The following CD226 variants were observed in gnomAD, a reference collection of about 807,000 sequenced individuals.
CD226 encodes CD226 molecule.
In CD226, 24 loss-of-function variants were observed where a neutral mutation model predicts 34.9. The observed-to-expected ratio is 0.69, with a 90% confidence interval of 0.50 to 0.97. CD226 has a LOEUF of 0.97. Among genes scored for constraint, CD226 ranks in the 50% least tolerant of loss-of-function variants. The probability of loss-of-function intolerance (pLI) is 0.00; values close to 1 mark genes in which losing one functional copy is unlikely to be tolerated. For missense variants in CD226, 397 were observed against 412.7 expected (o/e 0.96, Z 0.33); for synonymous variants, 148 against 147.4 (o/e 1.00, Z -0.03).
intron 2 of CD226, among the ~76,000 whole-genome samples, chr18:69,901,051 C>T (rs1232141864): frequency 6.6e-6 from 1 of 152,122 alleles, no homozygotes; most frequent in Non-Finnish European, 1.5e-5. Flanking sequence ...CTAATCAAGC[C>T]TCCAAATCTA....
At chr18:69,923,308 G>C (rs1039773317) in intron 2 of CD226, among the ~76,000 whole-genome samples, 1 of 152,310 alleles carries the variant, frequency 6.6e-6, no homozygotes, top group Admixed American at 6.5e-5. Flanking sequence ...AATGTTGGAA[G>C]GCAAGTGTCG....
intron 3 of CD226, among the ~76,000 whole-genome samples, chr18:69,887,368 C>T (rs1212043810): frequency 6.6e-6 from 1 of 152,092 alleles, no homozygotes; most frequent in Non-Finnish European, 1.5e-5. Flanking sequence ...ATAATCAATC[C>T]TAATGCTCCA....
chr18:69,944,972 C>T (rs1431996180), intron 2 of CD226, among the ~76,000 whole-genome samples: 4 of 152,182 alleles, frequency 2.6e-5, no homozygotes, highest in Admixed American at 6.5e-5. Context: ...TGTTTCTTAT[C>T]TCCTGACCAT....
chr18:69,940,046 G>T (rs1258354074), intron 2 of CD226, among the ~76,000 whole-genome samples: 1 of 152,168 alleles, frequency 6.6e-6, no homozygotes, highest in Non-Finnish European at 1.5e-5. Context: ...CATGGGGGTG[G>T]TTTCCCCCAT....
At position 69,857,717 on chromosome 18, in the gene CD226, T is replaced by C. The variant is rs1982652013; in HGVS notation, c.*6597A>G. The C allele has an allele frequency of 6.6e-6, 1 of 152,214 alleles. No homozygotes were observed. Among genetic ancestry groups the C allele is most frequent in the African/African-American group, 2.4e-5 (1 of 41,454 alleles). 9.4% of individuals were successfully genotyped at this position (152,214 alleles called of 1,614,324 possible). A position where few individuals can be genotyped will look rare whatever the true frequency, so the allele number is the denominator to read the frequency against. On this transcript the variant is annotated 3_prime_UTR_variant, in exon 6 of 6. Transcript: ENST00000582621. ...CCTTTTCAGGAATTTGGAGAACTTA[T>C]GCTTGGTATTTTAAACTCATGAGAA...
chr18:69,872,674 C>G (rs546197148), intron 4 of CD226, among the ~76,000 whole-genome samples: 2 of 152,310 alleles, frequency 1.3e-5, no homozygotes, highest in East Asian at 3.9e-4. Context: ...TGAGAATATA[C>G]AACTATTTGA....
chr18:69,879,972 T>A (rs1023993005), intron 3 of CD226, among the ~76,000 whole-genome samples: 1 of 152,222 alleles, frequency 6.6e-6, no homozygotes, highest in Non-Finnish European at 1.5e-5. Flanking sequence ...GTTTACGCTG[T>A]GTCAAAGTCA....
Position 69,857,764 on chromosome 18 carries a change from A to G in CD226, c.*6550T>C, listed in dbSNP as rs770083533. 1 of 152,214 alleles carries G rather than the reference A, an allele frequency of 6.6e-6. No homozygotes were observed. Among genetic ancestry groups the G allele is most frequent in the Non-Finnish European group, 1.5e-5 (1 of 68,036 alleles). 9.4% of individuals were successfully genotyped at this position (152,214 alleles called of 1,614,324 possible). The stretch of plus-strand genomic sequence containing the variant: ...AGAACTTAGTCTAGAAAGGGCCTCC[A>G]CTTATTTGACCACAGGTAGAAGATT... On this transcript the variant is annotated 3_prime_UTR_variant, in exon 6 of 6. Transcript: ENST00000582621.
Position 69,858,643 on chromosome 18 carries a change from A to G in CD226, c.*5671T>C, listed in dbSNP as rs896496154. On this transcript the variant is annotated 3_prime_UTR_variant, in exon 6 of 6. Coordinates refer to ENST00000582621, the MANE Select transcript of CD226 (RefSeq NM_001303618.2). ...CCTCGTTTCCCACTGGAGTTGCCAC[A>G]TGTTGTGTTTTGCAAGCCTACTCCA... 4 of 141,680 alleles carry G rather than the reference A, an allele frequency of 2.8e-5. No homozygotes were observed. The highest frequency in any genetic ancestry group is 6.0e-5 in the Non-Finnish European group (4 of 66,580). 8.8% of individuals were successfully genotyped at this position (141,680 alleles called of 1,614,324 possible).
At chr18:69,919,848 C>A (rs981074403) in intron 2 of CD226, among the ~76,000 whole-genome samples, 6 of 151,298 alleles carry the variant, frequency 4.0e-5, no homozygotes, top group Non-Finnish European at 2.9e-5. Context: ...GAGTTATCCT[C>A]TTACTTTCAT....
intron 2 of CD226, among the ~76,000 whole-genome samples, chr18:69,899,376 G>A (rs1001027915): frequency 6.6e-5 from 10 of 152,154 alleles, no homozygotes; most frequent in African/African-American, 1.7e-4. Context: ...TGTCAGCTTC[G>A]TAAACCCAAG....
In CD226 at chr18:69,879,566, T is replaced by A. The variant is rs562149269; in HGVS notation, c.728-6320A>T. On this transcript the variant is annotated intron_variant, in intron 3 of 5. Coordinates refer to ENST00000582621, the MANE Select transcript of CD226 (RefSeq NM_001303618.2). ...CCTTGTTCTCTGAAAATCACAGTTA[T>A]CCTGTTCTTAAGGTGCCCAGATTTC... 7.2e-5 allele frequency among the ~76,000 whole-genome samples: 11 copies of A among 152,244 alleles called. No homozygotes were observed. The East Asian group carries it at 7.7e-4, about 11-fold the overall frequency.
At chr18:69,888,295 G>A (rs554168129) in intron 3 of CD226, among the ~76,000 whole-genome samples, 2 of 152,124 alleles carry the variant, frequency 1.3e-5, no homozygotes, top group South Asian at 4.2e-4. Context: ...ACAATTCCCA[G>A]GTGCTTTTAG....
intron 2 of CD226, among the ~76,000 whole-genome samples, chr18:69,937,193 A>G (rs1256837726): frequency 6.6e-6 from 1 of 152,172 alleles, no homozygotes; most frequent in African/African-American, 2.4e-5. Context: ...ACCGGAATAA[A>G]TTGCTTTAAT....
In CD226 at chr18:69,861,542, G is replaced by GTATATATATGTGTA. The variant is rs1555675777; in HGVS notation, c.*2771_*2772insTACACATATATATA. The GTATATATATGTGTA allele has an allele frequency of 7.2e-5, 3 of 41,526 alleles. No homozygotes were observed. Among genetic ancestry groups the GTATATATATGTGTA allele is most frequent in the Admixed American group, 3.9e-4 (1 of 2,572 alleles). 2.6% of individuals were successfully genotyped at this position (41,526 alleles called of 1,614,324 possible). ...TTATCCATCGATATAAATTATATGT[G>GTATATATATGTGTA]TATATATATATGTATATATATATAT... On this transcript the variant is annotated 3_prime_UTR_variant, in exon 6 of 6. Transcript: ENST00000582621.
chr18:69,947,483 C>A lies in CD226; in HGVS notation c.-77G>T, dbSNP rs1039045144. The A allele has an allele frequency of 2.6e-5, 22 of 857,170 alleles. No individual in the cohort carries two copies. The highest frequency in any genetic ancestry group is 3.5e-5 in the Non-Finnish European group (19 of 537,310). The allele number at this position is 857,170 out of a possible 1,614,324, so 53.1% of individuals were successfully genotyped here. On this transcript the variant is annotated 5_prime_UTR_variant, in exon 1 of 6. Coordinates refer to ENST00000582621, the MANE Select transcript of CD226 (RefSeq NM_001303618.2). ...TATAATGTGACATGCAGATCCCCAG[C>A]ACAATGCAGTTTCCTTCCTCTCAGA... is the stretch of plus-strand genomic sequence containing the variant.
chr18:69,883,117 A>C (rs1171628617), intron 3 of CD226, among the ~76,000 whole-genome samples: 2 of 152,222 alleles, frequency 1.3e-5, no homozygotes, highest in African/African-American at 4.8e-5. Context: ...AGTCCATAAA[A>C]AAGAAGATGA....
At chr18:69,946,263 A>G (rs933508443) in intron 2 of CD226, among the ~76,000 whole-genome samples, 1 of 150,136 alleles carries the variant, frequency 6.7e-6, no homozygotes, top group Admixed American at 6.6e-5. Flanking sequence ...AGAAAGAGAG[A>G]GAGAGAAAGA....
chr18:69,948,321 T>C (rs2055817173), upstream of CD226, among the ~76,000 whole-genome samples: 1 of 152,190 alleles, frequency 6.6e-6, no homozygotes, highest in Non-Finnish European at 1.5e-5. Flanking sequence ...TAGGAACATA[T>C]CAGCATGTTA....
Sources: gnomAD v4.1 joint callset for allele counts (sites outside exome capture counted in the v4.1 genomes callset) on GRCh38, gnomAD v4.1.1 for gene constraint, MANE v1.5 for transcripts, NCBI Gene and HGNC (gene_info 2026-07-23, HGNC 2026-07-21) for gene names.